Variants in EDIL3 observed in about 807,000 individuals in gnomAD.
The protein encoded by EDIL3 is EGF-like repeat and discoidin I-like domain-containing protein 3.
Under a neutral mutation model 67.4 loss-of-function variants are expected in EDIL3, and 37 were observed. The observed-to-expected ratio is 0.55, with a 90% CI of 0.42 to 0.72. The LOEUF (loss-of-function observed/expected upper bound fraction) is 0.72. Among genes scored for constraint, EDIL3 ranks in the 30% least tolerant of loss-of-function variants. The probability of loss-of-function intolerance (pLI) is 0.00; values close to 1 mark genes in which losing one functional copy is unlikely to be tolerated. For synonymous variants in EDIL3, 195 were observed against 196.3 expected (o/e 0.99, Z 0.05); for missense variants, 527 against 586.3 (o/e 0.90, Z 1.04).
intron 9 of EDIL3, among the ~76,000 whole-genome samples, chr5:83,990,121 G>T (rs1390446472): frequency 6.6e-6 from 1 of 152,122 alleles, no homozygotes; most frequent in Non-Finnish European, 1.5e-5. Flanking sequence ...GCCAGGTCTG[G>T]ACTCCTGAGT....
chr5:84,259,061 G>A (rs1480630879), intron 1 of EDIL3, among the ~76,000 whole-genome samples: 1 of 138,542 alleles, frequency 7.2e-6, no homozygotes, highest in South Asian at 2.5e-4. Flanking sequence ...CCAGGTTCAC[G>A]CTATTCTCCT....
At chr5:84,290,042 A>C (rs1271746948) in intron 1 of EDIL3, among the ~76,000 whole-genome samples, 3 of 152,128 alleles carry the variant, frequency 2.0e-5, no homozygotes, top group Non-Finnish European at 2.9e-5. Flanking sequence ...GGACCCTCAG[A>C]TCCTCCTTCA....
intron 6 of EDIL3, among the ~76,000 whole-genome samples, chr5:84,090,736 A>G (rs1181157390): frequency 2.0e-5 from 3 of 151,954 alleles, no homozygotes; most frequent in African/African-American, 7.3e-5. Context: ...TCACGAGCTC[A>G]AGAGACCGAG....
intron 3 of EDIL3, among the ~76,000 whole-genome samples, chr5:84,206,678 C>T (rs1314259866): frequency 6.6e-6 from 1 of 151,990 alleles, no homozygotes; most frequent in African/African-American, 2.4e-5. Flanking sequence ...TCCAGCAGCA[C>T]ATCAAAAAGT....
Position 84,229,841 on chromosome 5 carries a change from C to T in EDIL3, c.226+14G>A. ...CATTAAATAAGAATTATGTTTACAA[C>T]ATAGGAACTTTACCTGCTGAAGTTG... On this transcript the variant is annotated intron_variant, in intron 3 of 10. Transcript: ENST00000296591. 1 of 1,585,742 alleles carries T rather than the reference C, an allele frequency of 6.3e-7. No individual in the cohort carries two copies. The highest frequency in any genetic ancestry group is 1.7e-4 in the Middle Eastern group (1 of 5,880).
chr5:84,119,139 G>A (rs915812572), intron 5 of EDIL3, among the ~76,000 whole-genome samples: 5 of 148,856 alleles, frequency 3.4e-5, no homozygotes, highest in African/African-American at 7.4e-5. Flanking sequence ...GGAGGAGACT[G>A]ACCTCTTTTA....
chr5:84,187,967 T>A (rs573839982), intron 3 of EDIL3, among the ~76,000 whole-genome samples: 1 of 152,170 alleles, frequency 6.6e-6, no homozygotes, highest in Admixed American at 6.6e-5. Context: ...TTTATGATAC[T>A]ATCTCAAACA....
chr5:84,260,316 A>G (rs1745203659), intron 1 of EDIL3, among the ~76,000 whole-genome samples: 1 of 152,222 alleles, frequency 6.6e-6, no homozygotes, highest in African/African-American at 2.4e-5. Flanking sequence ...CCTAACGAAG[A>G]GCATTCTAGG....
chr5:84,219,940 C>T (rs1040560630), intron 3 of EDIL3, among the ~76,000 whole-genome samples: 1 of 151,890 alleles, frequency 6.6e-6, no homozygotes, highest in Non-Finnish European at 1.5e-5. Context: ...ATGATGGTTA[C>T]CAGAGGCTGA....
chr5:83,957,112 C>A (rs1158505494), intron 10 of EDIL3, among the ~76,000 whole-genome samples: 1 of 151,606 alleles, frequency 6.6e-6, no homozygotes, highest in East Asian at 2.0e-4. Context: ...TGGAAAGCAG[C>A]CTCCGTTCCT....
intron 2 of EDIL3, among the ~76,000 whole-genome samples, chr5:84,233,827 C>A (rs1362429817): frequency 6.6e-6 from 1 of 152,104 alleles, no homozygotes; most frequent in African/African-American, 2.4e-5. Context: ...CTTGTGGCCC[C>A]AGAAGTCATT....
At chr5:84,171,458 T>C (rs1285538765) in intron 4 of EDIL3, among the ~76,000 whole-genome samples, 1 of 152,166 alleles carries the variant, frequency 6.6e-6, no homozygotes, top group African/African-American at 2.4e-5. Context: ...CTGGCTCCTA[T>C]AGATAGGTTA....
At chr5:84,024,274 T>A (rs1400946906) in intron 9 of EDIL3, among the ~76,000 whole-genome samples, 2 of 152,192 alleles carry the variant, frequency 1.3e-5, no homozygotes, top group Non-Finnish European at 2.9e-5. Flanking sequence ...TACAACCTGG[T>A]ACTTTGACAT....
At chr5:84,198,318 G>A (rs1425453747) in intron 3 of EDIL3, among the ~76,000 whole-genome samples, 1 of 151,914 alleles carries the variant, frequency 6.6e-6, no homozygotes, top group African/African-American at 2.4e-5. Context: ...GGCTAGTAAG[G>A]GAAGAGAGGT....
intron 9 of EDIL3, among the ~76,000 whole-genome samples, chr5:84,006,928 CA>C (rs139612300): frequency 0.12 from 17,491 of 151,774 alleles, 2,460 homozygotes; most frequent in African/African-American, 0.34. Flanking sequence ...ATGGTACTGG[CA>C]AAAAACAGAC....
In EDIL3 at chr5:84,134,790, T is replaced by C. The variant is rs369136879; in HGVS notation, c.469+2451A>G. On this transcript the variant is annotated intron_variant, in intron 5 of 10. Transcript: ENST00000296591. ...TTTTAGGGAACTCTCTAGGTGACTCTTTCTGATCTCTTTGTCAGCACACGG... is the reference window on the plus strand; with the variant it reads ...TTTTAGGGAACTCTCTAGGTGACTCCTTCTGATCTCTTTGTCAGCACACGG... Among the ~76,000 whole-genome samples, 5 of 152,130 alleles carry C rather than the reference T, an allele frequency of 3.3e-5. No homozygotes were observed. In the East Asian group the frequency reaches 5.8e-4, roughly 18 times the overall value.
At chr5:84,173,730 CG>C (rs1561453032) in intron 4 of EDIL3, among the ~76,000 whole-genome samples, 3 of 152,146 alleles carry the variant, frequency 2.0e-5, no homozygotes, top group African/African-American at 7.2e-5. Flanking sequence ...GTAATGGAGA[CG>C]GGGCCATCCC....
At chr5:84,031,995 A>C (rs1011311884) in intron 9 of EDIL3, among the ~76,000 whole-genome samples, 2 of 152,206 alleles carry the variant, frequency 1.3e-5, no homozygotes, top group African/African-American at 2.4e-5. Context: ...GGACAAAATC[A>C]GTGTTTTCAT....
At chr5:83,944,699 T>A (rs1744282727) in intron 10 of EDIL3, among the ~76,000 whole-genome samples, 1 of 151,970 alleles carries the variant, frequency 6.6e-6, no homozygotes, top group Non-Finnish European at 1.5e-5. Flanking sequence ...TAGTTTAGAT[T>A]TTTAGATTTA....
Sources: gnomAD v4.1 joint callset for allele counts (sites outside exome capture counted in the v4.1 genomes callset) on GRCh38, gnomAD v4.1.1 for gene constraint, MANE v1.5 for transcripts, NCBI Gene and HGNC (gene_info 2026-07-23, HGNC 2026-07-21) for gene names.